Variants in ZHX2 observed in about 807,000 individuals in gnomAD.
ZHX2 encodes the protein zinc fingers and homeoboxes 2.
In ZHX2, 6 loss-of-function variants were observed where a neutral mutation model predicts 21.9. The ratio of observed to expected loss-of-function variants is 0.27; its 90% CI spans 0.15 to 0.54. The LOEUF (loss-of-function observed/expected upper bound fraction) is 0.54, where lower values mean the gene tolerates loss of function less well. Among genes scored for constraint, ZHX2 ranks in the 20% least tolerant of loss-of-function variants. The pLI is 0.95. For synonymous variants in ZHX2, 434 were observed against 437.1 expected (o/e 0.99, Z 0.09); for missense variants, 908 against 1,090.7 (o/e 0.83, Z 2.36).
At chr8:122,851,586 G>C (rs1818902450) in intron 1 of ZHX2, among the ~76,000 whole-genome samples, 1 of 152,212 alleles carries the variant, frequency 6.6e-6, no homozygotes, top group African/African-American at 2.4e-5. Flanking sequence ...GAAGGACTTT[G>C]TTTTGATTCC....
chr8:122,820,070 C>T (rs1002914217), intron 1 of ZHX2, among the ~76,000 whole-genome samples: 46 of 152,154 alleles, frequency 3.0e-4, no homozygotes, highest in African/African-American at 1.1e-3. Flanking sequence ...TTGAAAACCA[C>T]TTGGCAAAAA....
At chr8:122,966,956 G>A (rs1422663097) in intron 3 of ZHX2, among the ~76,000 whole-genome samples, 1 of 152,126 alleles carries the variant, frequency 6.6e-6, no homozygotes, top group Non-Finnish European at 1.5e-5. Flanking sequence ...AAACTTTCCA[G>A]TGTATTTTGC....
At chr8:122,956,495 A>T (rs373265682) in intron 3 of ZHX2, among the ~76,000 whole-genome samples, 11 of 151,722 alleles carry the variant, frequency 7.3e-5, no homozygotes, top group Admixed American at 2.0e-4. Flanking sequence ...AGGAAGGGAC[A>T]TCTGACTCAG....
intron 1 of ZHX2, among the ~76,000 whole-genome samples, chr8:122,798,521 G>A (rs533723669): frequency 1.3e-5 from 2 of 152,126 alleles, no homozygotes; most frequent in African/African-American, 4.8e-5. Context: ...GGCTGAGCAC[G>A]GTGGCTCACA....
intron 2 of ZHX2, among the ~76,000 whole-genome samples, chr8:122,897,296 C>T (rs1380485105): frequency 1.3e-5 from 2 of 152,354 alleles, no homozygotes; most frequent in Non-Finnish European, 2.9e-5. Context: ...TAGTACCTAC[C>T]TCATTGGGTT....
chr8:122,803,187 C>T (rs1185211807), intron 1 of ZHX2, among the ~76,000 whole-genome samples: 1 of 152,172 alleles, frequency 6.6e-6, no homozygotes, highest in African/African-American at 2.4e-5. Context: ...CTCCCTCCCT[C>T]TCCCCACTCT....
chr8:122,839,180 G>T (rs1818568727), intron 1 of ZHX2, among the ~76,000 whole-genome samples: 1 of 151,738 alleles, frequency 6.6e-6, no homozygotes, highest in Non-Finnish European at 1.5e-5. Flanking sequence ...ACTAGAATGT[G>T]GCATTGCTCT....
intron 3 of ZHX2, among the ~76,000 whole-genome samples, chr8:122,957,821 G>A (rs375722843): frequency 2.6e-5 from 4 of 152,074 alleles, no homozygotes; most frequent in African/African-American, 9.7e-5. Flanking sequence ...ACTAGGGGTG[G>A]CATTGAAAGT....
intron 1 of ZHX2, among the ~76,000 whole-genome samples, chr8:122,856,795 C>T (rs1819036229): frequency 6.6e-6 from 1 of 152,000 alleles, no homozygotes; most frequent in Non-Finnish European, 1.5e-5. Context: ...TGAAAGGGGC[C>T]CGGAGGTGAA....
At chr8:122,927,491 T>C (rs1447877168) in intron 2 of ZHX2, among the ~76,000 whole-genome samples, 2 of 151,714 alleles carry the variant, frequency 1.3e-5, no homozygotes, top group East Asian at 3.9e-4. Flanking sequence ...TGAGATTCCA[T>C]CTTAAAAAAA....
Position 122,828,434 on chromosome 8 carries a change from G to A in ZHX2, c.-282-35043G>A, listed in dbSNP as rs187351727. ...GCTGGCTGAGCATAAGGGTCATTAC[G>A]TGGTCACTATGTGGATAAGAGTAAC... On this transcript the variant is annotated intron_variant, in intron 1 of 3. Coordinates refer to ENST00000314393, the MANE Select transcript of ZHX2 (RefSeq NM_014943.5). This position sits in a 1 kb window ranked among gnomAD's most constrained non-coding sequence, Gnocchi z 5.2. 1.2e-3 allele frequency among the ~76,000 whole-genome samples: 182 copies of A among 152,326 alleles called. No homozygotes were observed. Among genetic ancestry groups the A allele is most frequent in the African/African-American group, 3.7e-3 (154 of 41,580 alleles).
intron 2 of ZHX2, among the ~76,000 whole-genome samples, chr8:122,938,362 G>A (rs368997816): frequency 1.3e-5 from 2 of 152,190 alleles, no homozygotes; most frequent in East Asian, 3.9e-4. Flanking sequence ...CTGCAGCTGG[G>A]AAGGAAAGTC....
chr8:122,782,511 C>A lies in ZHX2; in HGVS notation c.-283+565C>A, dbSNP rs1033776296. 6.6e-6 allele frequency among the ~76,000 whole-genome samples: 1 copy of A among 152,004 alleles called. No individual in the cohort carries two copies. Among genetic ancestry groups the A allele is most frequent in the African/African-American group, 2.4e-5 (1 of 41,412 alleles). On this transcript the variant is annotated intron_variant, in intron 1 of 3. Transcript: ENST00000314393. The surrounding 1 kb of genome is among the most constrained non-coding windows in gnomAD (Gnocchi z 5.3). ...GCTGCGTGTGTCTGCTCCCCTCCCT[C>A]CCCCTCTCCCCTCGCTCCCCTCTCC...
At chr8:122,932,518 G>T (rs1821018534) in intron 2 of ZHX2, among the ~76,000 whole-genome samples, 1 of 152,174 alleles carries the variant, frequency 6.6e-6, no homozygotes, top group Non-Finnish European at 1.5e-5. Flanking sequence ...CTTCTCCTTC[G>T]TAGTCAAAAC....
intron 1 of ZHX2, among the ~76,000 whole-genome samples, chr8:122,806,572 A>G (rs923859156): frequency 8.5e-5 from 13 of 152,194 alleles, no homozygotes; most frequent in African/African-American, 3.1e-4. Context: ...CTGATTACAG[A>G]GAAGAGTACA....
chr8:122,833,517 G>A (rs980294772), intron 1 of ZHX2, among the ~76,000 whole-genome samples: 1 of 152,132 alleles, frequency 6.6e-6, no homozygotes, highest in Admixed American at 6.5e-5. Context: ...AACTACGGGC[G>A]GCGGATAAGG....
In ZHX2 at chr8:122,797,283, C is replaced by T. The variant is rs76936582; in HGVS notation, c.-283+15337C>T. 1.8e-3 allele frequency among the ~76,000 whole-genome samples: 278 copies of T among 152,304 alleles called. 1 individual carries two copies. Among genetic ancestry groups the T allele is most frequent in the African/African-American group, 6.4e-3 (268 of 41,566 alleles). On this transcript the variant is annotated intron_variant, in intron 1 of 3. Coordinates refer to ENST00000314393, the MANE Select transcript of ZHX2 (RefSeq NM_014943.5). ...CGCTGCTAAAATTTTGTAGCCACTT[C>T]ATTTGAAACAACTGGCTTTCAGGCT...
intron 1 of ZHX2, among the ~76,000 whole-genome samples, chr8:122,841,496 C>T (rs190677998): frequency 4.9e-4 from 74 of 151,014 alleles, no homozygotes; most frequent in African/African-American, 1.7e-3. Flanking sequence ...AGGAACAGAC[C>T]GTGAACTACA....
At chr8:122,905,891 T>C (rs16897626) in intron 2 of ZHX2, among the ~76,000 whole-genome samples, 3,124 of 152,314 alleles carry the variant, frequency 0.021, 98 homozygotes, top group African/African-American at 0.071. Flanking sequence ...TCATTTGAGC[T>C]AGAACAGAAA....
Sources: gnomAD v4.1 joint callset for allele counts (sites outside exome capture counted in the v4.1 genomes callset) on GRCh38, gnomAD v4.1.1 for gene constraint, Gnocchi (gnomAD v3.1) non-coding constraint, MANE v1.5 for transcripts, NCBI Gene and HGNC (gene_info 2026-07-23, HGNC 2026-07-21) for gene names.